The following ACYP2 variants were observed in gnomAD, a reference collection of about 807,000 sequenced individuals.
ACYP2 encodes acylphosphatase-2.
In ACYP2, 12 loss-of-function variants were observed where a neutral mutation model predicts 11.2. The ratio of observed to expected loss-of-function variants is 1.08; its 90% CI spans 0.69 to 1.74. The LOEUF (loss-of-function observed/expected upper bound fraction) is 1.74, where lower values mean the gene tolerates loss of function less well. ACYP2 is among the 40% of genes most tolerant of loss of function. The probability of loss-of-function intolerance (pLI) is 0.00; values close to 1 mark genes in which losing one functional copy is unlikely to be tolerated. For missense variants in ACYP2, 134 were observed against 101.9 expected, an observed-to-expected ratio of 1.31 and a Z score of -1.35; for synonymous variants, 43 against 32.2, an observed-to-expected ratio of 1.33 and a Z score of -1.13.
intron 6 of ACYP2, among the ~76,000 whole-genome samples, chr2:54,271,385 C>A (rs184484114): frequency 2.0e-5 from 3 of 152,148 alleles, no homozygotes; most frequent in South Asian, 2.1e-4. Flanking sequence ...GTAGAACCTA[C>A]GATTGGGTTT....
intron 6 of ACYP2, among the ~76,000 whole-genome samples, chr2:54,262,640 G>C (rs1248218282): frequency 6.6e-6 from 1 of 152,088 alleles, no homozygotes; most frequent in African/African-American, 2.4e-5. Flanking sequence ...ACTGGTGGCA[G>C]AGAGGTGAAC....
intron 6 of ACYP2, among the ~76,000 whole-genome samples, chr2:54,153,548 A>C (rs1682290529): frequency 6.7e-6 from 1 of 149,484 alleles, no homozygotes; most frequent in South Asian, 2.1e-4. Flanking sequence ...TTGAAATGTT[A>C]ATAGGGATTG....
At chr2:54,013,312 TG>T (rs1673493273) in intron 2 of ACYP2, among the ~76,000 whole-genome samples, 8 of 138,066 alleles carry the variant, frequency 5.8e-5, no homozygotes, top group African/African-American at 1.6e-4. Flanking sequence ...TGTGTGTGTG[TG>T]TGTTTTGAGA....
chr2:54,300,087 A>C (rs570024025), intron 6 of ACYP2, among the ~76,000 whole-genome samples: 1 of 152,216 alleles, frequency 6.6e-6, no homozygotes, highest in East Asian at 1.9e-4. Flanking sequence ...TCCCTATCCA[A>C]ATTGCTCTCC....
At chr2:54,282,005 G>A (rs1688868673) in intron 6 of ACYP2, among the ~76,000 whole-genome samples, 1 of 152,092 alleles carries the variant, frequency 6.6e-6, no homozygotes, top group East Asian at 1.9e-4. Flanking sequence ...TATATCCTAT[G>A]TTCTTCCACA....
intron 4 of ACYP2, among the ~76,000 whole-genome samples, chr2:54,096,390 G>T (rs1329591702): frequency 1.3e-5 from 2 of 151,060 alleles, no homozygotes; most frequent in African/African-American, 4.9e-5. Flanking sequence ...CCCAGACGAT[G>T]GATGGCCAGG....
chr2:54,280,140 C>G (rs147963680), intron 6 of ACYP2, among the ~76,000 whole-genome samples: 10 of 151,980 alleles, frequency 6.6e-5, no homozygotes, highest in Non-Finnish European at 1.3e-4. Context: ...AAGGAATGGC[C>G]CAAAGCCTCC....
chr2:54,034,748 C>G (rs1348455418), intron 2 of ACYP2, among the ~76,000 whole-genome samples: 1 of 152,066 alleles, frequency 6.6e-6, no homozygotes, highest in Non-Finnish European at 1.5e-5. Flanking sequence ...CGGTGGCTCA[C>G]GCCTGTAATC....
intron 4 of ACYP2, among the ~76,000 whole-genome samples, chr2:54,116,790 A>G (rs1006388298): frequency 6.6e-6 from 1 of 152,184 alleles, no homozygotes; most frequent in Admixed American, 6.5e-5. Context: ...TGATGCAGGT[A>G]GCCTCTACTG....
intron 2 of ACYP2, among the ~76,000 whole-genome samples, chr2:53,984,499 C>G (rs188937526): frequency 2.0e-5 from 3 of 151,600 alleles, no homozygotes; most frequent in African/African-American, 7.3e-5. Flanking sequence ...ATCTCTTGAA[C>G]CGGGGGGGTG....
At chr2:54,197,571 C>T (rs1355638231) in intron 6 of ACYP2, among the ~76,000 whole-genome samples, 1 of 152,154 alleles carries the variant, frequency 6.6e-6, no homozygotes, top group Non-Finnish European at 1.5e-5. Context: ...GCTTGGGGAA[C>T]TCCTTAGATG....
intron 2 of ACYP2, among the ~76,000 whole-genome samples, chr2:54,036,117 C>A (rs1474404841): frequency 6.6e-6 from 1 of 152,044 alleles, no homozygotes; most frequent in Non-Finnish European, 1.5e-5. Flanking sequence ...TTGTTTGAGG[C>A]AGGGTCTTGC....
chr2:54,004,914 A>G (rs1672987430), intron 2 of ACYP2, among the ~76,000 whole-genome samples: 1 of 151,106 alleles, frequency 6.6e-6, no homozygotes, highest in East Asian at 1.9e-4. Context: ...AAAAAAAAAA[A>G]ACAAAAGAAA....
At chr2:53,994,378 G>C (rs1342862492) in intron 2 of ACYP2, among the ~76,000 whole-genome samples, 2 of 149,774 alleles carry the variant, frequency 1.3e-5, no homozygotes, top group Non-Finnish European at 3.0e-5. Context: ...TATTAGCCAG[G>C]CATGGTGGCA....
rs151284226 is a variant in ACYP2 at position 54,207,703 on chromosome 2, G to A, written c.404+68955G>A. 1.6e-3 allele frequency among the ~76,000 whole-genome samples: 248 copies of A among 152,190 alleles called. 1 individual carries two copies. Among genetic ancestry groups the A allele is most frequent in the African/African-American group, 5.8e-3 (243 of 41,546 alleles). ...TGCAACTCTGCAGTAATAAAGATGT[G>A]AATTATACTGTAGCACTCCAAAATT... is the stretch of plus-strand genomic sequence containing the variant. On this transcript the variant is annotated intron_variant, in intron 6 of 6. Coordinates refer to ENST00000607452, the MANE Select transcript of ACYP2 (RefSeq NM_001320586.2).
intron 4 of ACYP2, among the ~76,000 whole-genome samples, chr2:54,077,582 A>G (rs1011116383): frequency 6.6e-6 from 1 of 152,224 alleles, no homozygotes; most frequent in African/African-American, 2.4e-5. Flanking sequence ...TTCTGAGAAG[A>G]GGAAGTGGTA....
chr2:54,164,352 T>G (rs56055479), intron 6 of ACYP2, among the ~76,000 whole-genome samples: 2,442 of 152,268 alleles, frequency 0.016, 73 homozygotes, highest in African/African-American at 0.056. Context: ...TAGTCCCTTG[T>G]GCACCAAGGA....
At chr2:54,065,150 G>A (rs1452927137) in intron 4 of ACYP2, among the ~76,000 whole-genome samples, 1 of 152,116 alleles carries the variant, frequency 6.6e-6, no homozygotes, top group South Asian at 2.1e-4. Flanking sequence ...GATAGATGAT[G>A]TTGGCTTAGA....
At chr2:54,266,565 T>C (rs1338666797) in intron 6 of ACYP2, among the ~76,000 whole-genome samples, 2 of 131,614 alleles carry the variant, frequency 1.5e-5, no homozygotes, top group African/African-American at 2.8e-5. Context: ...GATAGATAGA[T>C]AGATAGATAT....
Sources: allele counts gnomAD v4.1 joint callset (sites outside exome capture counted in the v4.1 genomes callset), GRCh38; gene constraint gnomAD v4.1.1; transcripts MANE v1.5; gene names NCBI Gene and HGNC (gene_info 2026-07-23, HGNC 2026-07-21).